UTRN: variants seen among roughly 807,000 people sequenced by gnomAD.
The protein encoded by UTRN is dystrophin-related protein 1.
A neutral mutation model predicts 463.9 loss-of-function variants in UTRN; 283 were observed. The observed-to-expected ratio is 0.61, with a 90% CI of 0.55 to 0.67. UTRN has a LOEUF of 0.67. Among genes scored for constraint, UTRN ranks in the 30% least tolerant of loss-of-function variants. UTRN has a pLI of 0.00. For synonymous variants in UTRN, 1,442 were observed against 1,431.5 expected (o/e 1.01, Z -0.17); for missense variants, 3,922 against 4,084.3 (o/e 0.96, Z 1.08).
At chr6:144,701,319 TA>T (rs79923959) in intron 53 of UTRN, among the ~76,000 whole-genome samples, 8,106 of 140,964 alleles carry the variant, frequency 0.058, 553 homozygotes, top group African/African-American at 0.17. Context: ...GGACTTGTAG[TA>T]AAAAAAAAAA....
rs753367175 is a variant in UTRN, at chr6:144,448,635, G to A, written c.1938G>A (p.Gln646=). Residue 646 remains glutamine (Q), a synonymous_variant, in exon 17 of 75, where the codon CAG becomes CAA. Transcript: ENST00000367545. ...TQAVAKLGMS[Q]IPQKDLLETV... is the part of the protein sequence containing the mutation. ...CTGTAGCAAAGCTGGGGATGTCTCA[G>A]ATTCCTCAGAAGGACCTTTTGGAGA... is the stretch of plus-strand genomic sequence containing the variant. 6.2e-7 allele frequency: 1 copy of A among 1,613,998 alleles called. No individual in the cohort carries two copies. The highest frequency in any genetic ancestry group is 8.5e-7 in the Non-Finnish European group (1 of 1,179,914).
chr6:144,466,027 T>G (rs1268919940), intron 23 of UTRN, among the ~76,000 whole-genome samples: 1 of 152,248 alleles, frequency 6.6e-6, no homozygotes, highest in Non-Finnish European at 1.5e-5. Flanking sequence ...CAATACCATT[T>G]TCTTTCCTGG....
At position 144,423,630 on chromosome 6, in the gene UTRN, A is replaced by G. The variant is rs746812643; in HGVS notation, c.312+4A>G. ...GCAGGTTTTACATCAGAACAATGTAAGTGTGTAATGTGAGTTCTGGGGGTC... is the reference window on the plus strand; with the variant it reads ...GCAGGTTTTACATCAGAACAATGTAGGTGTGTAATGTGAGTTCTGGGGGTC... On this transcript the variant is annotated splice_donor_region_variant and intron_variant, in intron 5 of 74. Transcript: ENST00000367545. The G allele has an allele frequency of 1.2e-6, 2 of 1,614,226 alleles. No homozygotes were observed. The highest frequency in any genetic ancestry group is 2.2e-5 in the South Asian group (2 of 91,088).
At chr6:144,416,147 C>T (rs1334015032) in intron 3 of UTRN, among the ~76,000 whole-genome samples, 1 of 151,902 alleles carries the variant, frequency 6.6e-6, no homozygotes, top group Non-Finnish European at 1.5e-5. Context: ...TTGATTAATC[C>T]TATATTTCAC....
chr6:144,651,744 G>A (rs1218255980), intron 51 of UTRN, among the ~76,000 whole-genome samples: 1 of 152,154 alleles, frequency 6.6e-6, no homozygotes, highest in East Asian at 1.9e-4. Flanking sequence ...ATACCAATGT[G>A]TAGTGTTGTC....
chr6:144,649,514 A>G (rs1158517758), intron 51 of UTRN, among the ~76,000 whole-genome samples: 1 of 152,236 alleles, frequency 6.6e-6, no homozygotes, highest in Non-Finnish European at 1.5e-5. Context: ...GAATATTTTC[A>G]TTATCACAGA....
intron 19 of UTRN, among the ~76,000 whole-genome samples, chr6:144,457,189 C>G (rs993029392): frequency 1.3e-5 from 2 of 152,190 alleles, no homozygotes; most frequent in South Asian, 4.1e-4. Flanking sequence ...TCACTGTAAC[C>G]AGCAATATCT....
At chr6:144,402,914 C>T (rs1305412919) in intron 2 of UTRN, among the ~76,000 whole-genome samples, 1 of 152,002 alleles carries the variant, frequency 6.6e-6, no homozygotes, top group Non-Finnish European at 1.5e-5. Context: ...GAAAGGTGCC[C>T]GAGCCTCCCT....
At chr6:144,553,766 C>A (rs906987906) in intron 48 of UTRN, among the ~76,000 whole-genome samples, 1 of 151,890 alleles carries the variant, frequency 6.6e-6, no homozygotes, top group Non-Finnish European at 1.5e-5. Flanking sequence ...CAAAAGTAGC[C>A]GGGTGTGGTG....
At chr6:144,603,936 T>C (rs1331724105) in intron 51 of UTRN, among the ~76,000 whole-genome samples, 1 of 152,226 alleles carries the variant, frequency 6.6e-6, no homozygotes, top group East Asian at 1.9e-4. Context: ...ATGATTTCCA[T>C]CAAATAAAAT....
At chr6:144,627,533 A>G (rs1372938826) in intron 51 of UTRN, among the ~76,000 whole-genome samples, 1 of 151,640 alleles carries the variant, frequency 6.6e-6, no homozygotes, top group African/African-American at 2.4e-5. Context: ...ACAGTGGTGC[A>G]ACTATCACCA....
intron 51 of UTRN, among the ~76,000 whole-genome samples, chr6:144,650,033 C>T (rs879502995): frequency 2.0e-5 from 3 of 152,174 alleles, no homozygotes; most frequent in Non-Finnish European, 4.4e-5. Flanking sequence ...AATGGACTTA[C>T]AGTTCCACAT....
At chr6:144,548,425 T>A (rs1009946878) in intron 46 of UTRN, among the ~76,000 whole-genome samples, 1 of 152,248 alleles carries the variant, frequency 6.6e-6, no homozygotes, top group African/African-American at 2.4e-5. Flanking sequence ...TGTTATAGAA[T>A]GTTGCAAAAC....
intron 2 of UTRN, among the ~76,000 whole-genome samples, chr6:144,326,637 G>A (rs1775989806): frequency 6.6e-6 from 1 of 152,274 alleles, no homozygotes; most frequent in East Asian, 1.9e-4. Context: ...TACTAGGAGC[G>A]AGCCGACTTT....
At chr6:144,786,403 A>G (rs1175430962) in intron 61 of UTRN, among the ~76,000 whole-genome samples, 1 of 152,148 alleles carries the variant, frequency 6.6e-6, no homozygotes, top group Non-Finnish European at 1.5e-5. Flanking sequence ...TTCCTGCCTC[A>G]GTCTCCCGAG....
chr6:144,566,624 C>T (rs1448559636), intron 50 of UTRN, among the ~76,000 whole-genome samples: 1 of 152,126 alleles, frequency 6.6e-6, no homozygotes, highest in Non-Finnish European at 1.5e-5. Flanking sequence ...TTTCAAACTT[C>T]ACTTCCTCAT....
chr6:144,554,901 T>C lies in UTRN; in HGVS notation c.7134+8T>C. 1.2e-6 allele frequency: 2 copies of C among 1,613,592 alleles called. No individual in the cohort carries two copies. The highest frequency in any genetic ancestry group is 2.2e-5 in the South Asian group (2 of 90,922). On this transcript the variant is annotated splice_region_variant and intron_variant, in intron 49 of 74. Transcript: ENST00000367545. The stretch of plus-strand genomic sequence containing the variant: ...CAAATTTCTGATAACCAAGTAAGAC[T>C]CATCAGATATTTTTTGGCAGTATTG...
chr6:144,472,647 G>A (rs781364776), intron 23 of UTRN, among the ~76,000 whole-genome samples: 3 of 152,096 alleles, frequency 2.0e-5, no homozygotes, highest in Non-Finnish European at 2.9e-5. Flanking sequence ...ATCATGGAAG[G>A]AATTGGGAAC....
chr6:144,620,007 A>G (rs1775177272), intron 51 of UTRN, among the ~76,000 whole-genome samples: 2 of 152,198 alleles, frequency 1.3e-5, no homozygotes, highest in African/African-American at 4.8e-5. Flanking sequence ...TCTCCCAGAT[A>G]TCCAGTGTGT....
Sources: allele counts gnomAD v4.1 joint callset (sites outside exome capture counted in the v4.1 genomes callset), GRCh38; gene constraint gnomAD v4.1.1; transcripts MANE v1.5; gene names NCBI Gene and HGNC (gene_info 2026-07-23, HGNC 2026-07-21).